ZNF277: variants seen among roughly 807,000 people sequenced by gnomAD.
The protein encoded by ZNF277 is zinc finger protein 277.
ZNF277 carries 55 observed loss-of-function variants against 60.7 expected under a neutral mutation model. That is an observed-to-expected ratio of 0.91 (90% CI 0.73 to 1.13). The LOEUF is 1.13. Ranked by LOEUF, ZNF277 falls within the 50% of genes most tolerant of loss-of-function variation. ZNF277 has a pLI of 0.00. For synonymous variants in ZNF277, 178 were observed against 179.3 expected (o/e 0.99, Z 0.06); for missense variants, 510 against 523.0 (o/e 0.98, Z 0.24).
intron 1 of ZNF277, among the ~76,000 whole-genome samples, chr7:112,257,084 T>C (rs1791331038): frequency 6.6e-6 from 1 of 152,224 alleles, no homozygotes; most frequent in Non-Finnish European, 1.5e-5. Context: ...TATTTTTCAA[T>C]GGGATTACAC....
At chr7:112,265,950 G>T (rs1304754298) in intron 1 of ZNF277, among the ~76,000 whole-genome samples, 2 of 152,092 alleles carry the variant, frequency 1.3e-5, no homozygotes, top group East Asian at 3.9e-4. Flanking sequence ...CCAGTAGTGG[G>T]TTCCTCTCTG....
At chr7:112,241,869 G>A (rs540316895) in intron 1 of ZNF277, among the ~76,000 whole-genome samples, 25 of 152,172 alleles carry the variant, frequency 1.6e-4, no homozygotes, top group South Asian at 1.0e-3. Flanking sequence ...TAGTGGTGGC[G>A]GAGAGGTGAG....
chr7:112,324,167 A>T (rs78147666), intron 5 of ZNF277, among the ~76,000 whole-genome samples: 5,674 of 152,248 alleles, frequency 0.037, 356 homozygotes, highest in African/African-American at 0.13. Context: ...AAAAAAATTT[A>T]ATATACCTAA....
At chr7:112,213,379 T>C (rs1415155276) in intron 1 of ZNF277, among the ~76,000 whole-genome samples, 1 of 152,210 alleles carries the variant, frequency 6.6e-6, no homozygotes, top group African/African-American at 2.4e-5. Flanking sequence ...TATAAGGTTC[T>C]GAAGAGGCCT....
chr7:112,216,497 A>G (rs1464523609), intron 1 of ZNF277, among the ~76,000 whole-genome samples: 2 of 152,044 alleles, frequency 1.3e-5, no homozygotes, highest in Non-Finnish European at 2.9e-5. Flanking sequence ...TTTTGTATAG[A>G]TGAGGTTTCG....
intron 4 of ZNF277, among the ~76,000 whole-genome samples, chr7:112,297,994 C>T (rs576552558): frequency 3.3e-5 from 5 of 152,208 alleles, no homozygotes; most frequent in African/African-American, 9.6e-5. Context: ...GATAGTGATA[C>T]ATTTAATGGA....
At position 112,222,048 on chromosome 7, in the gene ZNF277, T is replaced by G. The variant is rs540853769; in HGVS notation, c.91+15241T>G. ...TTTATATCCCTGAGATGAATTCCAC[T>G]TGATTTTGGTGAATGATTCTTTCAG... On this transcript the variant is annotated intron_variant, in intron 1 of 11. Coordinates refer to ENST00000361822, the MANE Select transcript of ZNF277 (RefSeq NM_021994.3). Among the ~76,000 whole-genome samples the G allele has an allele frequency of 2.6e-5, 4 of 152,358 alleles. No individual in the cohort carries two copies. The East Asian group carries it at 7.7e-4, about 29-fold the overall frequency.
At chr7:112,241,501 A>T (rs1018593285) in intron 1 of ZNF277, among the ~76,000 whole-genome samples, 3 of 152,206 alleles carry the variant, frequency 2.0e-5, no homozygotes, top group Non-Finnish European at 4.4e-5. Context: ...TCCTAGGTGT[A>T]TACCCAAAAT....
At chr7:112,300,693 T>C (rs1361519330) in intron 4 of ZNF277, among the ~76,000 whole-genome samples, 1 of 152,180 alleles carries the variant, frequency 6.6e-6, no homozygotes, top group African/African-American at 2.4e-5. Context: ...AACTTTTCCA[T>C]TTGGATTTCC....
At chr7:112,225,939 CCTGA>C (rs1456131399) in intron 1 of ZNF277, among the ~76,000 whole-genome samples, 1 of 152,096 alleles carries the variant, frequency 6.6e-6, no homozygotes, top group Admixed American at 6.6e-5. Flanking sequence ...GCTAAAGTTA[CCTGA>C]CTGTTTTACT....
At chr7:112,326,617 TAATA>T (rs2117124406) in intron 5 of ZNF277, among the ~76,000 whole-genome samples, 1 of 150,060 alleles carries the variant, frequency 6.7e-6, no homozygotes, top group Non-Finnish European at 1.5e-5. Context: ...ACCACAAGGT[TAATA>T]AATGTATCTC....
At chr7:112,286,453 A>G (rs1182738701) in intron 1 of ZNF277, among the ~76,000 whole-genome samples, 2 of 152,170 alleles carry the variant, frequency 1.3e-5, no homozygotes, top group African/African-American at 4.8e-5. Context: ...CTGTCGCCTT[A>G]ATGTATACCA....
At chr7:112,270,977 C>T (rs1013993229) in intron 1 of ZNF277, among the ~76,000 whole-genome samples, 1 of 151,936 alleles carries the variant, frequency 6.6e-6, no homozygotes, top group Non-Finnish European at 1.5e-5. Flanking sequence ...AAAAAATCAG[C>T]ATATTTTCAA....
Position 112,295,868 on chromosome 7 carries a change from G to C in ZNF277, c.294-1G>C, listed in dbSNP as rs760951002. On this transcript the variant is annotated splice_acceptor_variant, in intron 2 of 11. Transcript: ENST00000361822. LOFTEE classifies it high-confidence loss of function. ...CGTTCCTTATTTTATGTTGTTCTAA[G>C]GTACATTTTATATTGGAGGAAAAGG... is the stretch of plus-strand genomic sequence containing the variant. The C allele has an allele frequency of 2.5e-6, 4 of 1,608,614 alleles. No individual in the cohort carries two copies. The highest frequency in any genetic ancestry group is 2.7e-5 in the African/African-American group (2 of 74,720).
At chr7:112,207,188 T>A (rs1169567721) in intron 1 of ZNF277, among the ~76,000 whole-genome samples, 1 of 152,212 alleles carries the variant, frequency 6.6e-6, no homozygotes, top group Non-Finnish European at 1.5e-5. Context: ...CAGCTCTTTC[T>A]CCTCACCAGT....
At chr7:112,251,646 C>A (rs984954830) in intron 1 of ZNF277, among the ~76,000 whole-genome samples, 3 of 152,120 alleles carry the variant, frequency 2.0e-5, no homozygotes, top group African/African-American at 4.8e-5. Context: ...ACTAGTGATA[C>A]CCTTGGACCT....
intron 1 of ZNF277, among the ~76,000 whole-genome samples, chr7:112,229,453 G>T (rs1400908145): frequency 6.6e-6 from 1 of 152,154 alleles, no homozygotes; most frequent in Non-Finnish European, 1.5e-5. Context: ...ACAAAATACT[G>T]CATCTCATAA....
chr7:112,339,923 A>G lies in ZNF277; in HGVS notation c.1009+38A>G, dbSNP rs139421919. The G allele has an allele frequency of 2.0e-4, 322 of 1,592,176 alleles. 1 individual carries two copies. The African/African-American group carries it at 3.1e-3, about 15-fold the overall frequency. On this transcript the variant is annotated intron_variant, in intron 10 of 11. Coordinates refer to ENST00000361822, the MANE Select transcript of ZNF277 (RefSeq NM_021994.3). ...CAGAGGTTTTTTTCTGTGATGCTTCATTTTTTATAAACCATCCTGTAAGCT... is the reference window on the plus strand; with the variant it reads ...CAGAGGTTTTTTTCTGTGATGCTTCGTTTTTTATAAACCATCCTGTAAGCT...
chr7:112,331,369 CAG>C lies in ZNF277; in HGVS notation c.801+1158_801+1159del, dbSNP rs936054671. Among the ~76,000 whole-genome samples the C allele has an allele frequency of 5.3e-5, 8 of 152,264 alleles. No homozygotes were observed. In the East Asian group the frequency reaches 1.2e-3, roughly 22 times the overall value. Reference sequence around the variant, plus strand: ...CTCTCCAGAGGAATTGGAAGAAAAACAGAGAGTTCTGTTTTGAATGGGCATTT... The same window carrying C: ...CTCTCCAGAGGAATTGGAAGAAAAACAGAGTTCTGTTTTGAATGGGCATTT... On this transcript the variant is annotated intron_variant, in intron 7 of 11. Transcript: ENST00000361822.
Sources: gnomAD v4.1 joint callset for allele counts (sites outside exome capture counted in the v4.1 genomes callset) on GRCh38, gnomAD v4.1.1 for gene constraint, MANE v1.5 for transcripts, NCBI Gene and HGNC (gene_info 2026-07-23, HGNC 2026-07-21) for gene names.